KDM4D: variants seen among roughly 807,000 people sequenced by gnomAD.
The protein encoded by KDM4D is lysine-specific demethylase 4D.
For missense variants in KDM4D, 427 were observed against 674.8 expected (o/e 0.63, Z 4.07); for synonymous variants, 254 against 249.1 (o/e 1.02, Z -0.19).
At chr11:94,982,791 C>G (rs1418515120) in intron 2 of KDM4D, among the ~76,000 whole-genome samples, 1 of 151,914 alleles carries the variant, frequency 6.6e-6, no homozygotes, top group Non-Finnish European at 1.5e-5. Flanking sequence ...AAGGTTTTAT[C>G]TAAGAAAACA....
chr11:94,977,900 A>T (rs1455209851), intron 2 of KDM4D, among the ~76,000 whole-genome samples: 2 of 152,334 alleles, frequency 1.3e-5, no homozygotes, highest in East Asian at 3.9e-4. Context: ...GAATGGACGA[A>T]TGAAAGAATG....
rs782379538 is a variant in KDM4D, at chr11:94,998,162, A to G, written c.790A>G (p.Ile264Val). The G allele has an allele frequency of 1.2e-6, 2 of 1,614,216 alleles. No homozygotes were observed. Among genetic ancestry groups the G allele is most frequent in the Admixed American group, 1.7e-5 (1 of 60,028 alleles). ...LKENGIPFNR[I>V]TQEAGEFMVT... ...GGAAAATGGGATTCCCTTCAATCGCATAACTCAGGAGGCTGGAGAGTTCAT... is the reference window on the plus strand; with the variant it reads ...GGAAAATGGGATTCCCTTCAATCGCGTAACTCAGGAGGCTGGAGAGTTCAT... Residue 264 changes from isoleucine (I) to valine (V), a missense_variant, in exon 3 of 3, where the codon ATA (isoleucine) becomes GTA (valine). By Grantham distance (29) the Ile-to-Val change is conservative. Coordinates refer to ENST00000335080, the MANE Select transcript of KDM4D (RefSeq NM_018039.3). This position sits in a 1 kb window ranked among gnomAD's most constrained non-coding sequence, Gnocchi z 6.7.
intron 2 of KDM4D, among the ~76,000 whole-genome samples, chr11:94,985,617 T>C (rs1555098045): frequency 6.6e-6 from 1 of 152,050 alleles, no homozygotes; most frequent in African/African-American, 2.4e-5. Context: ...GGAACCAGTA[T>C]AGCCAAAACA....
intron 2 of KDM4D, among the ~76,000 whole-genome samples, chr11:94,988,930 G>A (rs765393743): frequency 6.6e-5 from 10 of 152,124 alleles, no homozygotes; most frequent in East Asian, 3.9e-4. Flanking sequence ...CAAGATGCAC[G>A]TCATGCAACA....
chr11:94,995,467 A>T lies in KDM4D; in HGVS notation c.-349-1557A>T, dbSNP rs587684997. 1.3e-4 allele frequency among the ~76,000 whole-genome samples: 20 copies of T among 152,360 alleles called. No individual in the cohort carries two copies. The South Asian group carries it at 3.5e-3, about 27-fold the overall frequency. On this transcript the variant is annotated intron_variant, in intron 2 of 2. Coordinates refer to ENST00000335080, the MANE Select transcript of KDM4D (RefSeq NM_018039.3). ...AGATGTGCTGTTTTGTTGGGACAGT[A>T]AAGGAAGATGAACAGTCAAGTTCAT...
rs782308469 is a variant in KDM4D at position 94,998,390 on chromosome 11, C to A, written c.1018C>A (p.Gln340Lys). 5.6e-6 allele frequency: 9 copies of A among 1,614,128 alleles called. No homozygotes were observed. Among genetic ancestry groups the A allele is most frequent in the South Asian group, 2.2e-5 (2 of 91,088 alleles). ...PERYDLWKRG[Q>K]DRAVVDHMEP... ...ACGCTATGACCTGTGGAAACGTGGG[C>A]AAGACCGGGCAGTTGTGGACCACAT... The change falls in exon 3 of 3, where the codon CAA becomes AAA. Residue 340 changes from glutamine (Q) to lysine (K), a missense_variant. Gln to Lys is a moderately conservative substitution (Grantham distance 53, BLOSUM62 1). Coordinates refer to ENST00000335080, the MANE Select transcript of KDM4D (RefSeq NM_018039.3). This position sits in a 1 kb window ranked among gnomAD's most constrained non-coding sequence, Gnocchi z 6.7.
chr11:94,985,698 A>AT (rs1555098058), intron 2 of KDM4D, among the ~76,000 whole-genome samples: 2 of 152,236 alleles, frequency 1.3e-5, no homozygotes, highest in East Asian at 1.9e-4. Context: ...CAGAGCTCTA[A>AT]TAGACATTGC....
At chr11:94,989,647 C>G (rs1231899599) in intron 2 of KDM4D, among the ~76,000 whole-genome samples, 1 of 151,976 alleles carries the variant, frequency 6.6e-6, no homozygotes, top group African/African-American at 2.4e-5. Flanking sequence ...CCACACTCCT[C>G]TAGATGTTCA....
chr11:94,979,965 A>C (rs181059520), intron 2 of KDM4D, among the ~76,000 whole-genome samples: 1 of 152,172 alleles, frequency 6.6e-6, no homozygotes, highest in Admixed American at 6.5e-5. Context: ...CTGATTATTA[A>C]TTCACATGTT....
chr11:94,981,104 G>T (rs1234204662), intron 2 of KDM4D, among the ~76,000 whole-genome samples: 2 of 152,054 alleles, frequency 1.3e-5, no homozygotes, highest in African/African-American at 4.8e-5. Context: ...CTGAAAGAAT[G>T]ATGAATTGAT....
Position 94,999,063 on chromosome 11 carries a change from C to T in KDM4D, c.*119C>T, listed in dbSNP as rs1858004971. ...AGGACTCTAGGCATGCATGAAAGAGCCCCCCTGGTGATGCCCTTGGATGCT... is the reference window on the plus strand; with the variant it reads ...AGGACTCTAGGCATGCATGAAAGAGTCCCCCTGGTGATGCCCTTGGATGCT... On this transcript the variant is annotated 3_prime_UTR_variant, in exon 3 of 3. Coordinates refer to ENST00000335080, the MANE Select transcript of KDM4D (RefSeq NM_018039.3). 3.1e-6 allele frequency: 3 copies of T among 980,366 alleles called. No homozygotes were observed. The highest frequency in any genetic ancestry group is 3.5e-5 in the Admixed American group (1 of 28,340). 60.7% of individuals were successfully genotyped at this position (980,366 alleles called of 1,614,324 possible).
Position 94,997,217 on chromosome 11 carries a change from A to G in KDM4D, c.-156A>G, listed in dbSNP as rs781937045. 3.8e-6 allele frequency: 2 copies of G among 529,676 alleles called. No individual in the cohort carries two copies. The highest frequency in any genetic ancestry group is 6.3e-6 in the Non-Finnish European group (2 of 316,008). The allele number at this position is 529,676 out of a possible 1,614,324, so 32.8% of individuals were successfully genotyped here. A position where few individuals can be genotyped will look rare whatever the true frequency, so the allele number is the denominator to read the frequency against. Reference sequence around the variant, plus strand: ...TCTCACTAGTGAATAAACAAGCCCAAGAAAGATTATCATCTCATTTGCAAA... The same window carrying G: ...TCTCACTAGTGAATAAACAAGCCCAGGAAAGATTATCATCTCATTTGCAAA... On this transcript the variant is annotated 5_prime_UTR_variant, in exon 3 of 3. Transcript: ENST00000335080.
At position 94,998,304 on chromosome 11, in the gene KDM4D, G is replaced by A. The variant is rs1555099510; in HGVS notation, c.932G>A (p.Ser311Asn). 4 of 1,614,208 alleles carry A rather than the reference G, an allele frequency of 2.5e-6. No individual in the cohort carries two copies. In the South Asian group the frequency reaches 3.3e-5, roughly 13 times the overall value. ...TATGGCAAAATGGCCTCCCAGTGTA[G>A]CTGTGGGGAGGCAAGGGTGACCTTT... ...IDYGKMASQC[S>N]CGEARVTFSM... The change falls in exon 3 of 3, where the codon AGC (serine) becomes AAC (asparagine). Residue 311 changes from serine to asparagine, a missense_variant. Ser to Asn is a conservative substitution (Grantham distance 46). Transcript: ENST00000335080. This position sits in a 1 kb window ranked among gnomAD's most constrained non-coding sequence, Gnocchi z 6.7.
chr11:94,996,533 A>G (rs1347788345), intron 2 of KDM4D, among the ~76,000 whole-genome samples: 1 of 152,188 alleles, frequency 6.6e-6, no homozygotes, highest in Non-Finnish European at 1.5e-5. Context: ...TGATAATGTT[A>G]CTCAATATTG....
chr11:94,974,728 C>T (rs1394464086), intron 1 of KDM4D, among the ~76,000 whole-genome samples: 3 of 152,192 alleles, frequency 2.0e-5, no homozygotes, highest in Admixed American at 1.3e-4. Flanking sequence ...TCTTCACATA[C>T]GGTTCATTTA....
intron 2 of KDM4D, among the ~76,000 whole-genome samples, chr11:94,991,896 TAGAG>T (rs587752582): frequency 7.3e-4 from 111 of 151,588 alleles, no homozygotes; most frequent in African/African-American, 2.4e-3. Flanking sequence ...TAAACGTTGA[TAGAG>T]AGACAAACAA....
At position 94,998,853 on chromosome 11, in the gene KDM4D, A is replaced by T; in HGVS notation, c.1481A>T (p.Asp494Val). 2 of 1,564,558 alleles carry T rather than the reference A, an allele frequency of 1.3e-6. No homozygotes were observed. The highest frequency in any genetic ancestry group is 8.7e-7 in the Non-Finnish European group (1 of 1,153,920). Reference sequence around the variant, plus strand: ...CCAGAACCTGAGCCCCTACCTGAGGATGGGGCTTTGATGGACAAGCCTGTA... The same window carrying T: ...CCAGAACCTGAGCCCCTACCTGAGGTTGGGGCTTTGATGGACAAGCCTGTA... The part of the protein sequence containing the change: ...SGPEPEPLPE[D>V]GALMDKPVPL... The change falls in exon 3 of 3, where the codon GAT becomes GTT. Residue 494 changes from aspartate (D) to valine (V), a missense_variant. By Grantham distance (152) the Asp-to-Val change is radical. Coordinates refer to ENST00000335080, the MANE Select transcript of KDM4D (RefSeq NM_018039.3). This position sits in a 1 kb window ranked among gnomAD's most constrained non-coding sequence, Gnocchi z 6.7.
In KDM4D at chr11:94,997,641, A is replaced by AT. The variant is rs1555099365; in HGVS notation, c.270dup (p.Lys91Ter). ...CGGGCAGGGGTGTTTACTCAATACC[A>AT]TAAAAAAAAGAAAGCCATGACTGTG... is the stretch of plus-strand genomic sequence containing the variant. On this transcript the variant is annotated frameshift_variant, in exon 3 of 3. Transcript: ENST00000335080. LOFTEE classifies it low-confidence loss of function (END_TRUNC). The AT allele has an allele frequency of 6.2e-7, 1 of 1,614,010 alleles. No homozygotes were observed. The highest frequency in any genetic ancestry group is 1.7e-5 in the Admixed American group (1 of 59,988).
chr11:94,983,817 C>T (rs1344723799), intron 2 of KDM4D, among the ~76,000 whole-genome samples: 1 of 152,094 alleles, frequency 6.6e-6, no homozygotes, highest in Non-Finnish European at 1.5e-5. Context: ...TTATCAAATG[C>T]ACCTGGAGGT....
Sources: gnomAD v4.1 joint callset for allele counts (sites outside exome capture counted in the v4.1 genomes callset) on GRCh38, gnomAD v4.1.1 for gene constraint, Gnocchi (gnomAD v3.1) non-coding constraint, MANE v1.5 for transcripts, NCBI Gene and HGNC (gene_info 2026-07-23, HGNC 2026-07-21) for gene names.